ITIH3: variants seen among roughly 807,000 people sequenced by gnomAD.
ITIH3 encodes the protein inter-alpha-trypsin inhibitor heavy chain H3.
ITIH3 carries 81 observed loss-of-function variants against 96.5 expected under a neutral mutation model. The ratio of observed to expected loss-of-function variants is 0.84; its 90% confidence interval spans 0.70 to 1.01. The LOEUF (loss-of-function observed/expected upper bound fraction) is 1.01. ITIH3 is among the 50% of genes least tolerant of loss of function. The probability of loss-of-function intolerance (pLI) is 0.00; values close to 1 mark genes in which losing one functional copy is unlikely to be tolerated. For synonymous variants in ITIH3, 422 were observed against 445.2 expected (o/e 0.95, Z 0.66); for missense variants, 1,057 against 1,139.3 (o/e 0.93, Z 1.04).
intron 12 of ITIH3, 39 bp downstream of exon 12, chr3:52,802,558 G>A (rs1449747460): frequency 9.3e-6 from 15 of 1,610,792 alleles, no homozygotes; most frequent in Non-Finnish European, 1.3e-5. Context: ...CTGGGGATGG[G>A]GTATCAGCAG....
intron 21 of ITIH3, 150 bp downstream of exon 21, chr3:52,808,371 T>C: frequency 9.2e-7 from 1 of 1,084,304 alleles, no homozygotes; most frequent in Non-Finnish European, 1.3e-6. Context: ...AGGCTCTTGC[T>C]AATCAAGAAA....
intron 15 of ITIH3, 52 bp from the exon 16 acceptor site, chr3:52,805,756 G>A (rs772003859): frequency 1.6e-5 from 26 of 1,611,040 alleles, no homozygotes; most frequent in Non-Finnish European, 2.0e-5. Context: ...GCACGGGGCT[G>A]GGGGAGAAGG....
intron 15 of ITIH3, chr3:52,804,966 C>G: frequency 1.7e-6 from 1 of 589,468 alleles, no homozygotes; most frequent in South Asian, 2.1e-5. Flanking sequence ...ATCAGTATGA[C>G]AGTATCTATG....
rs1578761117 is a variant in ITIH3, at chr3:52,805,022, T to C, written c.1873+288T>C. 3.1e-5 allele frequency: 14 copies of C among 453,114 alleles called. No homozygotes were observed. The East Asian group carries it at 5.9e-4, about 19-fold the overall frequency. 28.1% of individuals were successfully genotyped at this position (453,114 alleles called of 1,614,324 possible). A position where few individuals can be genotyped will look rare whatever the true frequency, so the allele number is the denominator to read the frequency against. On this transcript the variant is annotated intron_variant, in intron 15 of 21. Transcript: ENST00000449956. ...TAGCATGTCAGTCATTTATACTTCA[T>C]TAGTCCCATAGCAACCCTCCAAGAG...
At chr3:52,799,264 G>T in intron 7 of ITIH3, 108 bp from the exon 8 acceptor site, 2 of 1,161,422 alleles carry the variant, frequency 1.7e-6, no homozygotes. Flanking sequence ...GGGTGGGATA[G>T]GAACGTCTTT....
At chr3:52,804,770 G>A (rs773887804) in intron 15 of ITIH3, 36 bp downstream of exon 15, 4 of 1,581,908 alleles carry the variant, frequency 2.5e-6, no homozygotes, top group Non-Finnish European at 2.6e-6. Context: ...TGGGCATTAT[G>A]GAAGGGAGAC....
chr3:52,795,561 T>A, intron 1 of ITIH3, 42 bp from the exon 2 acceptor site: 1 of 1,596,576 alleles, frequency 6.3e-7, no homozygotes, highest in South Asian at 1.1e-5. Context: ...GGTGTTGGCC[T>A]TGGCCTGATT....
chr3:52,807,255 A>G lies in ITIH3; in HGVS notation c.2261+150A>G. ...AGAATCCAGTCTCCTGTCACAGGGG[A>G]GGGTGACCATAGTGGCCCCCAACCA... On this transcript the variant is annotated intron_variant, in intron 19 of 21. Coordinates refer to ENST00000449956, the MANE Select transcript of ITIH3 (RefSeq NM_002217.4). 3.9e-6 allele frequency: 3 copies of G among 760,136 alleles called. No homozygotes were observed. The South Asian group carries it at 5.6e-5, about 14-fold the overall frequency. The allele number at this position is 760,136 out of a possible 1,614,324, so 47.1% of individuals were successfully genotyped here.
At chr3:52,806,774 G>A in intron 18 of ITIH3, 127 bp from the exon 19 acceptor site, 1 of 745,496 alleles carries the variant, frequency 1.3e-6, no homozygotes, top group South Asian at 1.7e-5. Context: ...TGAAGTCCTG[G>A]TCTCTCTTGT....
At position 52,797,817 on chromosome 3, in the gene ITIH3, A is replaced by G. The variant is rs1238985513; in HGVS notation, c.550A>G (p.Ile184Val). Reference protein sequence around the residue: ...QPKQLVKHFEIEVDIFEPQGI... With the variant: ...QPKQLVKHFEVEVDIFEPQGI... The stretch of plus-strand genomic sequence containing the variant: ...CATTTCCTTACTTTGGCCATTTCAG[A>G]TCGAGGTAGACATCTTCGAGCCTCA... Residue 184 changes from isoleucine (I) to valine (V), a missense_variant and splice_region_variant, in exon 6 of 22, where the codon ATC becomes GTC. Ile to Val is a conservative substitution (Grantham distance 29). Coordinates refer to ENST00000449956, the MANE Select transcript of ITIH3 (RefSeq NM_002217.4). The G allele has an allele frequency of 6.3e-7, 1 of 1,594,166 alleles. No homozygotes were observed. Among genetic ancestry groups the G allele is most frequent in the East Asian group, 2.3e-5 (1 of 44,364 alleles).
rs1245437794 is a variant in ITIH3 at position 52,797,806 on chromosome 3, G to A, written c.550-11G>A. On this transcript the variant is annotated splice_polypyrimidine_tract_variant and intron_variant, in intron 5 of 21. Transcript: ENST00000449956. ...TCACTGAGTGACATTTCCTTACTTT[G>A]GCCATTTCAGATCGAGGTAGACATC... 1 of 1,563,880 alleles carries A rather than the reference G, an allele frequency of 6.4e-7. No individual in the cohort carries two copies. The highest frequency in any genetic ancestry group is 1.8e-5 in the Admixed American group (1 of 56,520).
At position 52,808,588 on chromosome 3, in the gene ITIH3, C is replaced by T. The variant is rs373376047; in HGVS notation, c.2580C>T (p.Ile860=). 4.2e-4 allele frequency: 676 copies of T among 1,613,948 alleles called. 7 individuals are homozygous for T. The highest frequency in any genetic ancestry group is 2.8e-3 in the Middle Eastern group (17 of 6,062). The change falls in exon 22 of 22, where the codon ATC becomes ATT. Residue 860 remains isoleucine, a synonymous_variant. Transcript: ENST00000449956. ...SQKDYRKDAS[I]GTKVVCWFVH... is the part of the protein sequence containing the mutation. ...AAGACTACAGAAAGGATGCCAGCATCGGCACGAAGGTTGTCTGCTGGTTCG... is the reference window on the plus strand; with the variant it reads ...AAGACTACAGAAAGGATGCCAGCATTGGCACGAAGGTTGTCTGCTGGTTCG...
chr3:52,799,523 G>T, intron 8 of ITIH3, 35 bp downstream of exon 8: 1 of 1,470,984 alleles, frequency 6.8e-7, no homozygotes, highest in Non-Finnish European at 9.3e-7. Context: ...AGGGCTCGGG[G>T]TAGTAGGGGG....
rs866975814 is a variant in ITIH3 at position 52,806,418 on chromosome 3, G to A, written c.2056+12G>A. The A allele has an allele frequency of 7.5e-6, 12 of 1,603,078 alleles. No individual in the cohort carries two copies. In the Middle Eastern group the frequency reaches 1.0e-3, roughly 134 times the overall value. On this transcript the variant is annotated intron_variant, in intron 18 of 21. Transcript: ENST00000449956. ...GGATGCAGTCACAGGTGAGGCTTGTGGGCTAGGGCCGGGGCCAGGGGGCTC... is the reference window on the plus strand; with the variant it reads ...GGATGCAGTCACAGGTGAGGCTTGTAGGCTAGGGCCGGGGCCAGGGGGCTC...
intron 21 of ITIH3, 33 bp from the exon 22 acceptor site, chr3:52,808,519 C>G: frequency 6.2e-7 from 1 of 1,606,368 alleles, no homozygotes; most frequent in Non-Finnish European, 8.5e-7. Context: ...CTTACCCACC[C>G]CGTGTATTGC....
Position 52,804,672 on chromosome 3 carries a change from G to A in ITIH3, c.1865-54G>A, listed in dbSNP as rs1040842667. ...AGCCAGCTCTGGTCCCTGCTCACAA[G>A]TGCCCTATGGCTTCTAATGCATTTC... On this transcript the variant is annotated intron_variant, in intron 14 of 21. Coordinates refer to ENST00000449956, the MANE Select transcript of ITIH3 (RefSeq NM_002217.4). 2.4e-5 allele frequency: 38 copies of A among 1,559,946 alleles called. No homozygotes were observed. In the South Asian group the frequency reaches 4.0e-4, roughly 17 times the overall value.
chr3:52,797,193 C>A lies in ITIH3; in HGVS notation c.475C>A (p.Leu159Met). The change falls in exon 5 of 22, where the codon CTG (leucine) becomes ATG (methionine). Residue 159 changes from leucine (L) to methionine (M), a missense_variant. Transcript: ENST00000449956. Reference protein sequence around the residue: ...KVTFELTYEELLKRHKGKYEM... With the variant: ...KVTFELTYEEMLKRHKGKYEM... ...CACCTTCGAGCTAACCTACGAGGAG[C>A]TGCTGAAGAGGCACAAGGGCAAGTA... The A allele has an allele frequency of 1.2e-6, 2 of 1,609,046 alleles. No homozygotes were observed. Among genetic ancestry groups the A allele is most frequent in the Non-Finnish European group, 1.7e-6 (2 of 1,177,896 alleles).
At chr3:52,808,029 T>C in intron 20 of ITIH3, 81 bp from the exon 21 acceptor site, 1 of 1,579,172 alleles carries the variant, frequency 6.3e-7, no homozygotes, top group Non-Finnish European at 8.7e-7. Context: ...ATTCAGCCTT[T>C]GCATCAACCC....
rs768969705 is a variant in ITIH3 at position 52,806,137 on chromosome 3, T to C, written c.1941T>C (p.Tyr647=). 25 of 1,602,882 alleles carry C rather than the reference T, an allele frequency of 1.6e-5. No homozygotes were observed. The highest frequency in any genetic ancestry group is 1.0e-4 in the Admixed American group (6 of 58,538). ...AGCCTCCTCAAAACCCCTACTACTATGGTGAGTCCCTGGCTGCTCCTCGGG... is the reference window on the plus strand; with the variant it reads ...AGCCTCCTCAAAACCCCTACTACTACGGTGAGTCCCTGGCTGCTCCTCGGG... ...SYQPPQNPYY[Y]VDGDPHFIIQ... The change falls in exon 17 of 22, where the codon TAT becomes TAC. Residue 647 remains tyrosine, a splice_region_variant and synonymous_variant. Transcript: ENST00000449956.
Sources: gnomAD v4.1 joint callset for allele counts on GRCh38, gnomAD v4.1.1 for gene constraint, MANE v1.5 for transcripts, NCBI Gene and HGNC (gene_info 2026-07-23, HGNC 2026-07-21) for gene names.